TF: variants seen among roughly 807,000 people sequenced by gnomAD.
The protein encoded by TF is serotransferrin.
In TF, 55 loss-of-function variants were observed where a neutral mutation model predicts 82.4. That is an observed-to-expected ratio of 0.67 (90% CI 0.54 to 0.84). TF has a LOEUF of 0.84. Ranked by LOEUF, TF falls within the 40% of genes least tolerant of loss-of-function variation. TF has a pLI of 0.00. For synonymous variants in TF, 332 were observed against 332.6 expected (o/e 1.00, Z 0.02); for missense variants, 737 against 868.4 (o/e 0.85, Z 1.90).
At chr3:133,707,506 G>A in the TF span, 1 of 152,166 alleles carries the variant, frequency 6.6e-6, no homozygotes, top group African/African-American at 2.4e-5. Context: ...CTCCAGGAGG[G>A]GTTCCACTGC....
At chr3:133,758,266 A>G (rs1226080122) in intron 8 of TF, among the ~76,000 whole-genome samples, 1 of 152,224 alleles carries the variant, frequency 6.6e-6, no homozygotes, top group Non-Finnish European at 1.5e-5. Flanking sequence ...AAATAGAACA[A>G]AATTGCTATA....
intron 14 of TF, chr3:133,771,026 G>T (rs937711254): frequency 5.4e-6 from 1 of 183,610 alleles, no homozygotes; most frequent in African/African-American, 2.4e-5. Context: ...CCATTGAGAA[G>T]GCCTAGAGGC....
In TF at chr3:133,784,459, C is replaced by T. The variant is rs1160434432; in HGVS notation, c.*5839C>T. 2.1e-5 allele frequency: 2 copies of T among 97,336 alleles called. No homozygotes were observed. The highest frequency in any genetic ancestry group is 4.8e-5 in the African/African-American group (1 of 21,026). The allele number at this position is 97,336 out of a possible 1,614,324, so 6.0% of individuals were successfully genotyped here. On this transcript the variant is annotated 3_prime_UTR_variant, in exon 17 of 17. Transcript: ENST00000402696. ...GAAAATCACACATCTTGTAAATTCC[C>T]ATTTGTTAAAAAAATAATAATAATA...
Position 133,788,436 on chromosome 3 carries a change from GGAGCGTA to G in TF, c.*9817_*9823del, listed in dbSNP as rs2107949203. 1 of 152,316 alleles carries G rather than the reference GGAGCGTA, an allele frequency of 6.6e-6. No homozygotes were observed. Among genetic ancestry groups the G allele is most frequent in the East Asian group, 1.9e-4 (1 of 5,184 alleles). The allele number at this position is 152,316 out of a possible 1,614,324, so 9.4% of individuals were successfully genotyped here. A position where few individuals can be genotyped will look rare whatever the true frequency, so the allele number is the denominator to read the frequency against. On this transcript the variant is annotated 3_prime_UTR_variant, in exon 17 of 17. Transcript: ENST00000402696. ...AAGCACAGGCCTTCTCCCACCCTGT[GGAGCGTA>G]CTTTCATTTCATAAATCTCTGCTTT...
chr3:133,735,337 C>CT, the TF span, among the ~76,000 whole-genome samples: 300 of 103,986 alleles, frequency 2.9e-3, 2 homozygotes, highest in African/African-American at 7.5e-3. Flanking sequence ...AAGACTCCAT[C>CT]CCAAAAAAAA....
At chr3:133,740,281 A>G in the TF span, among the ~76,000 whole-genome samples, 24 of 152,316 alleles carry the variant, frequency 1.6e-4, no homozygotes, top group East Asian at 4.6e-3. Context: ...GGAGTTGAAC[A>G]ATGAGAATAC....
chr3:133,769,778 C>T (rs981099416), intron 13 of TF, among the ~76,000 whole-genome samples: 3 of 151,996 alleles, frequency 2.0e-5, no homozygotes, highest in African/African-American at 7.3e-5. Context: ...GAAGTACACA[C>T]TAGTTCATCA....
chr3:133,677,508 G>A, the TF span, among the ~76,000 whole-genome samples: 1 of 151,924 alleles, frequency 6.6e-6, no homozygotes, highest in Non-Finnish European at 1.5e-5. Context: ...GTGGTGGTGG[G>A]CGCCTGCGAT....
In TF at chr3:133,782,148, C is replaced by T. The variant is rs181595704; in HGVS notation, c.*3528C>T. 2.0e-4 allele frequency: 31 copies of T among 152,182 alleles called. No homozygotes were observed. The highest frequency in any genetic ancestry group is 5.2e-4 in the Admixed American group (8 of 15,290). The allele number at this position is 152,182 out of a possible 1,614,324, so 9.4% of individuals were successfully genotyped here. A position where few individuals can be genotyped will look rare whatever the true frequency, so the allele number is the denominator to read the frequency against. On this transcript the variant is annotated 3_prime_UTR_variant, in exon 17 of 17. Transcript: ENST00000402696. ...TATCAAAAAGTCAAAAGATATTAAT[C>T]ATAAACGTGGATAAGGGTGAAGAGA...
At chr3:133,756,554 G>A (rs1933839242) in intron 6 of TF, among the ~76,000 whole-genome samples, 2 of 152,156 alleles carry the variant, frequency 1.3e-5, no homozygotes, top group Admixed American at 1.3e-4. Context: ...CGGTGCCTCT[G>A]CCTCTGGGGT....
rs1213668200 is a variant in TF at position 133,784,506 on chromosome 3, ATAG to A, written c.*5887_*5889del. The stretch of plus-strand genomic sequence containing the variant: ...AATAATAATAATAATAATAATAATA[ATAG>A]GACATAAATGGCTTCTGGAGATGAC... On this transcript the variant is annotated 3_prime_UTR_variant, in exon 17 of 17. Transcript: ENST00000402696. The A allele has an allele frequency of 2.0e-5, 3 of 149,906 alleles. No individual in the cohort carries two copies. The highest frequency in any genetic ancestry group is 1.9e-4 in the East Asian group (1 of 5,130). The allele number at this position is 149,906 out of a possible 1,614,324, so 9.3% of individuals were successfully genotyped here.
chr3:133,734,236 G>C, the TF span, among the ~76,000 whole-genome samples: 1 of 152,128 alleles, frequency 6.6e-6, no homozygotes, highest in Non-Finnish European at 1.5e-5. Flanking sequence ...TCTGCAACAA[G>C]AATTACCACA....
chr3:133,759,232 A>T lies in TF; in HGVS notation c.1106A>T (p.His369Leu). 1 of 1,614,116 alleles carries T rather than the reference A, an allele frequency of 6.2e-7. No homozygotes were observed. The highest frequency in any genetic ancestry group is 8.5e-7 in the Non-Finnish European group (1 of 1,180,010). The change falls in exon 9 of 17, where the codon CAC (histidine) becomes CTC (leucine). Residue 369 changes from histidine (H) to leucine (L), a missense_variant. By Grantham distance (99) the His-to-Leu change is moderately conservative (BLOSUM62 -3). Coordinates refer to ENST00000402696, the MANE Select transcript of TF (RefSeq NM_001063.4). The stretch of plus-strand genomic sequence containing the variant: ...GTGAAGTGGTGTGCGCTGAGCCACC[A>T]CGAGAGGCTCAAGTGTGATGAGTGG... ...KPVKWCALSH[H>L]ERLKCDEWSV...
chr3:133,680,175 T>A, the TF span, among the ~76,000 whole-genome samples: 3 of 152,108 alleles, frequency 2.0e-5, no homozygotes, highest in African/African-American at 7.2e-5. Context: ...GCTTCCTGGC[T>A]TTTACTCACA....
At chr3:133,702,279 G>A in the TF span, among the ~76,000 whole-genome samples, 1 of 151,650 alleles carries the variant, frequency 6.6e-6, no homozygotes. Flanking sequence ...CAATCCAAGA[G>A]CTGGACTCCT....
chr3:133,753,178 G>A (rs936937383), intron 2 of TF, among the ~76,000 whole-genome samples: 8 of 152,184 alleles, frequency 5.3e-5, no homozygotes, highest in Non-Finnish European at 1.2e-4. Flanking sequence ...AGCGTGGCCA[G>A]CCCAAGAGAG....
the TF span, among the ~76,000 whole-genome samples, chr3:133,671,340 T>C: frequency 1.7e-4 from 26 of 152,252 alleles, no homozygotes; most frequent in East Asian, 2.7e-3. Context: ...GAAATCACAA[T>C]AAAATTAGAA....
At chr3:133,682,163 C>A in the TF span, among the ~76,000 whole-genome samples, 1 of 152,126 alleles carries the variant, frequency 6.6e-6, no homozygotes, top group Admixed American at 6.5e-5. Context: ...GGAAAATTAC[C>A]AAACAGAAAA....
the TF span, among the ~76,000 whole-genome samples, chr3:133,665,832 G>A: frequency 6.6e-6 from 1 of 151,256 alleles, no homozygotes; most frequent in African/African-American, 2.4e-5. Flanking sequence ...GTACTCGGGA[G>A]GATGAGATAG....
Sources: gnomAD v4.1 joint callset for allele counts (sites outside exome capture counted in the v4.1 genomes callset) on GRCh38, gnomAD v4.1.1 for gene constraint, MANE v1.5 for transcripts, NCBI Gene and HGNC (gene_info 2026-07-23, HGNC 2026-07-21) for gene names.